SDK2: variants seen among roughly 807,000 people sequenced by gnomAD.
SDK2 encodes the protein sidekick cell adhesion molecule 2.
Under a neutral mutation model 253.9 loss-of-function variants are expected in SDK2, and 105 were observed. The ratio of observed to expected loss-of-function variants is 0.41; its 90% confidence interval spans 0.35 to 0.49. The LOEUF (loss-of-function observed/expected upper bound fraction) is 0.49. Among genes scored for constraint, SDK2 ranks in the 20% least tolerant of loss-of-function variants. The probability of loss-of-function intolerance (pLI) is 0.06; values close to 1 mark genes in which losing one functional copy is unlikely to be tolerated. For missense variants in SDK2, 2,608 were observed against 3,003.0 expected (o/e 0.87, Z 3.07); for synonymous variants, 1,249 against 1,234.9 (o/e 1.01, Z -0.24).
chr17:73,362,900 C>T (rs1375110621), intron 38 of SDK2, among the ~76,000 whole-genome samples: 1 of 152,250 alleles, frequency 6.6e-6, no homozygotes, highest in South Asian at 2.1e-4. Context: ...GAAAGACAGG[C>T]CTTGCAGCCA....
At chr17:73,469,559 G>T (rs1398890538) in intron 3 of SDK2, among the ~76,000 whole-genome samples, 1 of 152,202 alleles carries the variant, frequency 6.6e-6, no homozygotes, top group Non-Finnish European at 1.5e-5. Flanking sequence ...CAACTTGCTT[G>T]CTCGCCCTGC....
Position 73,352,535 on chromosome 17 carries a change from C to G in SDK2, c.5696G>C (p.Arg1899Pro). 4 of 1,614,008 alleles carry G rather than the reference C, an allele frequency of 2.5e-6. No individual in the cohort carries two copies. The highest frequency in any genetic ancestry group is 3.4e-6 in the Non-Finnish European group (4 of 1,179,882). Residue 1899 changes from arginine (R) to proline (P), a missense_variant, in exon 41 of 45, where the codon CGG (arginine) becomes CCG (proline). By Grantham distance (103) the Arg-to-Pro change is moderately radical. This residue lies in a region of SDK2 where 1,103 missense variants were observed against 1,143.9 expected (regional missense o/e 0.96). Transcript: ENST00000392650. The surrounding 1 kb of genome is among the most constrained non-coding windows in gnomAD (Gnocchi z 4.1). ...ACCATAGTCGTTGACCGCGATGACC[C>G]GGAAGTCATAGCTCACGCCCGGCTT... ...ILKPGVSYDF[R>P]VIAVNDYGFG...
At chr17:73,365,492 G>A (rs1272841582) in intron 37 of SDK2, 97 bp from the exon 38 acceptor site, 1 of 1,309,806 alleles carries the variant, frequency 7.6e-7, no homozygotes, top group Non-Finnish European at 1.0e-6. Flanking sequence ...TTGGGTCTGA[G>A]CCCGGGAGGA....
intron 38 of SDK2, among the ~76,000 whole-genome samples, chr17:73,362,488 T>A (rs1279315480): frequency 6.6e-6 from 1 of 151,792 alleles, no homozygotes; most frequent in Non-Finnish European, 1.5e-5. Flanking sequence ...CCTCCTGGGT[T>A]CAAGCCGTCC....
At chr17:73,398,522 G>T in intron 22 of SDK2, 93 bp from the exon 23 acceptor site, 2 of 1,102,094 alleles carry the variant, frequency 1.8e-6, no homozygotes, top group East Asian at 2.4e-5. Context: ...GGAAGAAGTT[G>T]GTTCAGAACC....
chr17:73,379,566 G>A lies in SDK2; in HGVS notation c.4763-17C>T. The A allele has an allele frequency of 6.6e-7, 1 of 1,515,926 alleles. No individual in the cohort carries two copies. Among genetic ancestry groups the A allele is most frequent in the Non-Finnish European group, 9.1e-7 (1 of 1,096,594 alleles). 93.9% of individuals were successfully genotyped at this position (1,515,926 alleles called of 1,614,324 possible). On this transcript the variant is annotated splice_polypyrimidine_tract_variant and intron_variant, in intron 34 of 44. Transcript: ENST00000392650. The surrounding 1 kb of genome is among the most constrained non-coding windows in gnomAD (Gnocchi z 4.5). ...TGTTCAGGTCTGTGGGGGAGAGTGG[G>A]GGAGGGGAAGCACACTGAGGTCACC...
chr17:73,523,721 C>G (rs748874), intron 1 of SDK2, among the ~76,000 whole-genome samples: 8,665 of 152,162 alleles, frequency 0.057, 288 homozygotes, highest in Middle Eastern at 0.12. Flanking sequence ...TTTGCAGCCA[C>G]CCAGTTGAGG....
chr17:73,382,622 A>G (rs2062840059), intron 33 of SDK2, among the ~76,000 whole-genome samples: 1 of 152,248 alleles, frequency 6.6e-6, no homozygotes, highest in African/African-American at 2.4e-5. Flanking sequence ...TTTTCTCCAA[A>G]GCCCTTAACT....
rs57411997 is a variant in SDK2 at position 73,614,979 on chromosome 17, T to TAAAAA, written c.64+29041_64+29045dup. Among the ~76,000 whole-genome samples the TAAAAA allele has an allele frequency of 1.3e-4, 18 of 137,348 alleles. No homozygotes were observed. The South Asian group carries it at 4.0e-3, about 30-fold the overall frequency. The allele number at this position is 137,348 out of a possible 152,430, so 90.1% of individuals were successfully genotyped here. On this transcript the variant is annotated intron_variant, in intron 1 of 44. Coordinates refer to ENST00000392650, the MANE Select transcript of SDK2 (RefSeq NM_001144952.2). ...GCATGTGTGTCCCCTGAATAGAAGA[T>TAAAAA]AAAAAAAAAAAAAAAAAGAAAGTTT... is the stretch of plus-strand genomic sequence containing the variant.
chr17:73,344,563 A>G (rs927640557), intron 44 of SDK2, among the ~76,000 whole-genome samples: 4 of 152,202 alleles, frequency 2.6e-5, no homozygotes. Context: ...CAGCTGTTAA[A>G]TGGGGATAGT....
chr17:73,422,355 G>C lies in SDK2; in HGVS notation c.1977C>G (p.Arg659=). 1.9e-6 allele frequency: 3 copies of C among 1,614,048 alleles called. No individual in the cohort carries two copies. In the African/African-American group the frequency reaches 4.0e-5, roughly 22 times the overall value. The stretch of plus-strand genomic sequence containing the variant: ...CGGCACAAAGACGGAACTGGTAGGA[G>C]CGTGCAGGAACCAGGCCCTTGACTG... ...SVTVKGLVPA[R]SYQFRLCAVN... is the part of the protein sequence containing the mutation. Residue 659 remains arginine, a synonymous_variant, in exon 15 of 45, where the codon CGC becomes CGG. Coordinates refer to ENST00000392650, the MANE Select transcript of SDK2 (RefSeq NM_001144952.2).
chr17:73,438,478 G>A (rs1038345854), intron 6 of SDK2, among the ~76,000 whole-genome samples: 3 of 152,206 alleles, frequency 2.0e-5, no homozygotes, highest in Non-Finnish European at 2.9e-5. Context: ...AAGCAGGAAA[G>A]CAGCCTGGCT....
At chr17:73,607,629 G>A (rs2045923947) in intron 1 of SDK2, among the ~76,000 whole-genome samples, 1 of 152,112 alleles carries the variant, frequency 6.6e-6, no homozygotes, top group Admixed American at 6.5e-5. Flanking sequence ...GGAGTCACCT[G>A]GGGTGCAGCA....
chr17:73,536,549 G>T (rs1178320199), intron 1 of SDK2, among the ~76,000 whole-genome samples: 1 of 152,212 alleles, frequency 6.6e-6, no homozygotes, highest in Admixed American at 6.5e-5. Context: ...AGCCTTTTCA[G>T]GCAAGGGGAG....
intron 1 of SDK2, among the ~76,000 whole-genome samples, chr17:73,588,409 A>AAAAAAAG (rs2045635943): frequency 6.8e-6 from 1 of 147,208 alleles, no homozygotes; most frequent in African/African-American, 2.5e-5. Context: ...AAAAAAAAAA[A>AAAAAAAG]AAAGAAAGAA....
chr17:73,508,770 G>A (rs1325387499), intron 1 of SDK2, among the ~76,000 whole-genome samples: 1 of 152,224 alleles, frequency 6.6e-6, no homozygotes, highest in Non-Finnish European at 1.5e-5. Flanking sequence ...CAGAGCTGGA[G>A]CACTTGAGCC....
intron 2 of SDK2, among the ~76,000 whole-genome samples, chr17:73,482,654 A>G (rs1410329524): frequency 6.6e-6 from 1 of 152,256 alleles, no homozygotes; most frequent in Non-Finnish European, 1.5e-5. Flanking sequence ...CTCTCAATGA[A>G]CAAGGATAAG....
intron 1 of SDK2, chr17:73,517,677 A>AT (rs1289485087): frequency 6.6e-6 from 1 of 152,242 alleles, no homozygotes; most frequent in Non-Finnish European, 1.5e-5. Flanking sequence ...GTGCTTTGTC[A>AT]TGGCAGCCCA....
chr17:73,431,715 ACACCC>A lies in SDK2; in HGVS notation c.1313-51_1313-47del. 6.5e-7 allele frequency: 1 copy of A among 1,540,266 alleles called. No individual in the cohort carries two copies. Among genetic ancestry groups the A allele is most frequent in the Non-Finnish European group, 8.7e-7 (1 of 1,143,820 alleles). On this transcript the variant is annotated intron_variant, in intron 10 of 44. Transcript: ENST00000392650. This position sits in a 1 kb window ranked among gnomAD's most constrained non-coding sequence, Gnocchi z 5.6. ...GGGTCAGCCTGTAGCCCCCAAGGGC[ACACCC>A]TGCCCTTCCCTGGCCGCTCCAGGGC...
Sources: allele counts gnomAD v4.1 joint callset (sites outside exome capture counted in the v4.1 genomes callset), GRCh38; gene constraint gnomAD v4.1.1; regional missense constraint gnomAD v4.1.1; non-coding constraint Gnocchi (gnomAD v3.1); transcripts MANE v1.5; gene names NCBI Gene and HGNC (gene_info 2026-07-23, HGNC 2026-07-21).